Variants in MDGA2 observed in about 807,000 individuals in gnomAD.
The protein encoded by MDGA2 is MAM domain containing glycosylphosphatidylinositol anchor 2.
MDGA2 carries 40 observed loss-of-function variants against 117.8 expected under a neutral mutation model. That is an observed-to-expected ratio of 0.34 (90% CI 0.26 to 0.44). MDGA2 has a LOEUF of 0.44. Ranked by LOEUF, MDGA2 falls within the 20% of genes least tolerant of loss-of-function variation. MDGA2 has a pLI of 1.00. For missense variants in MDGA2, 1,123 were observed against 1,250.6 expected (o/e 0.90, Z 1.54); for synonymous variants, 452 against 439.0 (o/e 1.03, Z -0.37).
At chr14:47,200,823 C>A in intron 3 of MDGA2, 3 of 799,500 alleles carry the variant, frequency 3.8e-6, no homozygotes, top group Non-Finnish European at 6.6e-6. Flanking sequence ...TTCAGGGCAG[C>A]AGGAGCCACC....
At chr14:47,399,698 G>C (rs546164067) in intron 1 of MDGA2, among the ~76,000 whole-genome samples, 1 of 151,996 alleles carries the variant, frequency 6.6e-6, no homozygotes, top group Non-Finnish European at 1.5e-5. Flanking sequence ...CTCAATAATT[G>C]ATTTTTTAAA....
intron 8 of MDGA2, among the ~76,000 whole-genome samples, chr14:46,970,475 G>A (rs945837567): frequency 1.3e-5 from 2 of 152,102 alleles, no homozygotes; most frequent in Non-Finnish European, 2.9e-5. Flanking sequence ...AATAAATGGT[G>A]CTGGGAAAAC....
At chr14:47,158,639 G>C (rs1295369150) in intron 3 of MDGA2, among the ~76,000 whole-genome samples, 2 of 152,072 alleles carry the variant, frequency 1.3e-5, no homozygotes, top group East Asian at 1.9e-4. Context: ...ATTTGTAGTA[G>C]AGACGGGGTT....
At chr14:47,301,285 CCACACCCACCCACA>C in intron 2 of MDGA2, 112 bp downstream of exon 2, 1 of 889,498 alleles carries the variant, frequency 1.1e-6, no homozygotes, top group Non-Finnish European at 1.6e-6. Context: ...ACACACACAC[CCACACCCACCCACA>C]CACACACACA....
intron 6 of MDGA2, among the ~76,000 whole-genome samples, chr14:47,083,409 C>T (rs1301968030): frequency 6.6e-6 from 1 of 151,706 alleles, no homozygotes; most frequent in African/African-American, 2.4e-5. Flanking sequence ...AAAATGTAAA[C>T]CTGAAATATG....
intron 2 of MDGA2, among the ~76,000 whole-genome samples, chr14:47,269,744 G>C (rs1406773944): frequency 6.6e-6 from 1 of 152,116 alleles, no homozygotes; most frequent in Non-Finnish European, 1.5e-5. Flanking sequence ...TGACATCTTT[G>C]TGAGTACTGA....
At chr14:47,104,226 G>C (rs76169055) in intron 5 of MDGA2, among the ~76,000 whole-genome samples, 41,740 of 151,862 alleles carry the variant, frequency 0.27, 6,221 homozygotes, top group South Asian at 0.47. Context: ...CCAAGCCATC[G>C]CATCCCCTGT....
At chr14:46,878,713 T>C (rs73252350) in intron 11 of MDGA2, among the ~76,000 whole-genome samples, 5,468 of 152,134 alleles carry the variant, frequency 0.036, 339 homozygotes, top group African/African-American at 0.12. Flanking sequence ...ATTTAATTTT[T>C]TGGCAAGATA....
chr14:47,302,624 A>C (rs1889320363), intron 1 of MDGA2, among the ~76,000 whole-genome samples: 1 of 152,184 alleles, frequency 6.6e-6, no homozygotes, highest in African/African-American at 2.4e-5. Flanking sequence ...TCTAACATTA[A>C]AGACAATGAA....
Position 46,884,362 on chromosome 14 carries a change from C to A in MDGA2, c.2239-2141G>T, listed in dbSNP as rs544255243. The stretch of plus-strand genomic sequence containing the variant: ...AATGCCATTTTCCCTTGGATTTTTA[C>A]GTAGTACTTTCTCTATGTACACACA... On this transcript the variant is annotated intron_variant, in intron 10 of 16. Coordinates refer to ENST00000399232, the MANE Select transcript of MDGA2 (RefSeq NM_001113498.3). This position sits in a 1 kb window ranked among gnomAD's most constrained non-coding sequence, Gnocchi z 4.1. 6.6e-6 allele frequency among the ~76,000 whole-genome samples: 1 copy of A among 152,212 alleles called. No individual in the cohort carries two copies. Among genetic ancestry groups the A allele is most frequent in the Admixed American group, 6.6e-5 (1 of 15,256 alleles).
intron 1 of MDGA2, among the ~76,000 whole-genome samples, chr14:47,425,026 A>T (rs1000498212): frequency 6.6e-6 from 1 of 152,178 alleles, no homozygotes; most frequent in East Asian, 1.9e-4. Context: ...AAGTAGCCCA[A>T]GTGGGATGGG....
At chr14:46,981,156 C>G (rs769201645) in intron 8 of MDGA2, among the ~76,000 whole-genome samples, 3 of 119,256 alleles carry the variant, frequency 2.5e-5, no homozygotes, top group Non-Finnish European at 5.2e-5. Context: ...GTAATCCCAG[C>G]ACTTTGGGAG....
chr14:47,303,320 T>C (rs749838090), intron 1 of MDGA2, among the ~76,000 whole-genome samples: 3 of 152,190 alleles, frequency 2.0e-5, no homozygotes, highest in Non-Finnish European at 4.4e-5. Context: ...TGCATCATTT[T>C]ATCTGATTTG....
At chr14:47,581,497 T>C (rs112519370) in intron 1 of MDGA2, among the ~76,000 whole-genome samples, 99 of 152,124 alleles carry the variant, frequency 6.5e-4, no homozygotes, top group African/African-American at 2.3e-3. Flanking sequence ...CTGAGTAACA[T>C]GGAAAGAACA....
intron 6 of MDGA2, among the ~76,000 whole-genome samples, chr14:47,080,114 T>A (rs141789325): frequency 2.3e-4 from 35 of 152,322 alleles, no homozygotes; most frequent in African/African-American, 7.7e-4. Flanking sequence ...AGTTAACATT[T>A]GTCTAATTCA....
intron 4 of MDGA2, among the ~76,000 whole-genome samples, chr14:47,143,150 A>G (rs1882795910): frequency 6.6e-6 from 1 of 152,056 alleles, no homozygotes; most frequent in African/African-American, 2.4e-5. Flanking sequence ...TGCCCAGCTA[A>G]TTTCTGTATT....
chr14:46,851,397 T>G (rs534592208), intron 15 of MDGA2, among the ~76,000 whole-genome samples: 1 of 152,012 alleles, frequency 6.6e-6, no homozygotes, highest in African/African-American at 2.4e-5. Flanking sequence ...TGCCCTAATT[T>G]TTCCCAATGT....
intron 5 of MDGA2, among the ~76,000 whole-genome samples, chr14:47,104,489 C>A (rs1432746962): frequency 6.7e-6 from 1 of 148,482 alleles, no homozygotes; most frequent in Non-Finnish European, 1.5e-5. Context: ...CCACTCCTAC[C>A]CGCCAGAGAA....
chr14:47,084,520 A>G (rs936614642), intron 6 of MDGA2, among the ~76,000 whole-genome samples: 2 of 151,628 alleles, frequency 1.3e-5, no homozygotes, highest in African/African-American at 4.8e-5. Context: ...AAAAACTGAC[A>G]TGCTGAGTAA....
Sources: gnomAD v4.1 joint callset for allele counts (sites outside exome capture counted in the v4.1 genomes callset) on GRCh38, gnomAD v4.1.1 for gene constraint, Gnocchi (gnomAD v3.1) non-coding constraint, MANE v1.5 for transcripts, NCBI Gene and HGNC (gene_info 2026-07-23, HGNC 2026-07-21) for gene names.